Variants in HADH observed in about 807,000 individuals in gnomAD.
HADH encodes hydroxyacyl-coenzyme A dehydrogenase, mitochondrial.
A neutral mutation model predicts 32.2 loss-of-function variants in HADH; 24 were observed. The observed-to-expected ratio is 0.75, with a 90% CI of 0.54 to 1.05. The LOEUF (loss-of-function observed/expected upper bound fraction) is 1.05, where lower values mean the gene tolerates loss of function less well. Ranked by LOEUF, HADH falls within the 50% of genes least tolerant of loss-of-function variation. HADH has a pLI of 0.00. For synonymous variants in HADH, 139 were observed against 152.5 expected, an observed-to-expected ratio of 0.91 and a Z score of 0.65; for missense variants, 350 against 397.1, an observed-to-expected ratio of 0.88 and a Z score of 1.01.
intron 5 of HADH, chr4:108,025,545 A>G (rs1736036362): frequency 6.6e-6 from 1 of 152,240 alleles, no homozygotes; most frequent in Non-Finnish European, 1.5e-5. Context: ...TTAATAAATA[A>G]TCTGAAAAAT....
chr4:108,004,768 A>C, intron 1 of HADH: 4 of 1,535,862 alleles, frequency 2.6e-6, no homozygotes, highest in Non-Finnish European at 3.5e-6. Flanking sequence ...GAAGCAGCTG[A>C]AGAACATGTG....
intron 1 of HADH, 69 bp from the exon 2 acceptor site, chr4:108,009,690 G>A: frequency 6.0e-6 from 8 of 1,331,346 alleles, no homozygotes; most frequent in Non-Finnish European, 8.7e-6. Context: ...GTTTTTTGGG[G>A]TGGGGTGTGT....
intron 1 of HADH, among the ~76,000 whole-genome samples, chr4:107,996,055 A>G (rs1047278201): frequency 6.6e-6 from 1 of 152,156 alleles, no homozygotes; most frequent in Non-Finnish European, 1.5e-5. Context: ...TTCCAGCCAC[A>G]TGTACTCTGA....
chr4:108,022,492 A>G (rs1735927759), intron 4 of HADH, among the ~76,000 whole-genome samples: 1 of 152,048 alleles, frequency 6.6e-6, no homozygotes, highest in Admixed American at 6.6e-5. Flanking sequence ...AGCCTTCCCC[A>G]GAAGGATGAG....
chr4:108,021,217 GTTA>G (rs1735875167), intron 4 of HADH, among the ~76,000 whole-genome samples: 1 of 152,140 alleles, frequency 6.6e-6, no homozygotes, highest in African/African-American at 2.4e-5. Context: ...GATTTCTTTA[GTTA>G]TTATATTGTA....
intron 1 of HADH, among the ~76,000 whole-genome samples, chr4:108,008,642 G>C (rs1200450904): frequency 6.6e-6 from 1 of 151,900 alleles, no homozygotes; most frequent in Non-Finnish European, 1.5e-5. Context: ...GTTCTTCTCT[G>C]GGCAAGTTCA....
chr4:108,023,753 G>C, intron 5 of HADH, 190 bp downstream of exon 5: 1 of 618,128 alleles, frequency 1.6e-6, no homozygotes, highest in South Asian at 1.7e-5. Context: ...GGACTCCTAA[G>C]CCATGCCTAA....
At position 108,017,555 on chromosome 4, in the gene HADH, A is replaced by C. The variant is rs1478495921; in HGVS notation, c.420-1985A>C. ...AGTGTTTCCAGGAACATGTAAGAGT[A>C]CTTTTTTTTTTTTTTTGAGACGGAG... On this transcript the variant is annotated intron_variant, in intron 3 of 7. Coordinates refer to ENST00000309522, the MANE Select transcript of HADH (RefSeq NM_005327.7). Among the ~76,000 whole-genome samples the C allele has an allele frequency of 2.0e-5, 3 of 149,508 alleles. No individual in the cohort carries two copies. The East Asian group carries it at 5.9e-4, about 29-fold the overall frequency.
chr4:107,996,666 A>C (rs1734967006), intron 1 of HADH, among the ~76,000 whole-genome samples: 1 of 152,138 alleles, frequency 6.6e-6, no homozygotes, highest in Non-Finnish European at 1.5e-5. Context: ...GGCTGAGGCG[A>C]GCAGATCACT....
At chr4:108,033,923 G>A (rs1736366528) in intron 7 of HADH, among the ~76,000 whole-genome samples, 1 of 152,250 alleles carries the variant, frequency 6.6e-6, no homozygotes, top group East Asian at 1.9e-4. Flanking sequence ...AATCCAACCA[G>A]CAAATTAATG....
chr4:108,034,595 C>CT lies in HADH; in HGVS notation c.*241dup. The CT allele has an allele frequency of 2.2e-6, 1 of 452,484 alleles. No homozygotes were observed. The highest frequency in any genetic ancestry group is 3.1e-5 in the Admixed American group (1 of 32,516). 28.0% of individuals were successfully genotyped at this position (452,484 alleles called of 1,614,324 possible). ...TCATTTCTGTGTATTTTCTAAACAG[C>CT]TTTACACCCTTGGTGCCTTGGAGCA... On this transcript the variant is annotated 3_prime_UTR_variant, in exon 8 of 8. Transcript: ENST00000309522.
chr4:108,027,659 GT>G (rs544275787), intron 5 of HADH, 28 bp from the exon 6 acceptor site: 11 of 1,438,654 alleles, frequency 7.6e-6, no homozygotes, highest in Non-Finnish European at 1.1e-5. Flanking sequence ...AAATTTACTA[GT>G]TTTTTGTTTT....
At chr4:108,013,574 A>G (rs1236598162) in intron 2 of HADH, among the ~76,000 whole-genome samples, 3 of 152,078 alleles carry the variant, frequency 2.0e-5, no homozygotes, top group Non-Finnish European at 4.4e-5. Context: ...TGCCTAGTTG[A>G]CATACTATGC....
chr4:108,018,177 T>C (rs28691823), intron 3 of HADH, among the ~76,000 whole-genome samples: 2,964 of 152,220 alleles, frequency 0.019, 98 homozygotes, highest in African/African-American at 0.066. Context: ...CTTTCTTTTC[T>C]TAACGGGAGT....
intron 5 of HADH, chr4:108,026,726 G>C (rs985350610): frequency 6.6e-6 from 1 of 152,188 alleles, no homozygotes; most frequent in Non-Finnish European, 1.5e-5. Context: ...GAAGTACCTG[G>C]TGTGTGCTAG....
At chr4:108,012,959 G>T (rs955197509) in intron 2 of HADH, among the ~76,000 whole-genome samples, 1 of 152,172 alleles carries the variant, frequency 6.6e-6, no homozygotes. Flanking sequence ...AGACGGAGGA[G>T]TCTTGCTCTG....
At chr4:108,024,694 C>T (rs529445447) in intron 5 of HADH, 8 of 152,224 alleles carry the variant, frequency 5.3e-5, no homozygotes, top group East Asian at 1.9e-4. Context: ...TACTTTCTTA[C>T]GCAGTTATGC....
intron 6 of HADH, chr4:108,032,049 A>G: frequency 3.1e-6 from 1 of 323,722 alleles, no homozygotes; most frequent in Non-Finnish European, 5.6e-6. Context: ...TACTTTAGTA[A>G]TTTATTTGCT....
chr4:108,019,774 C>A, intron 4 of HADH, 108 bp downstream of exon 4: 1 of 1,282,008 alleles, frequency 7.8e-7, no homozygotes, highest in Non-Finnish European at 1.1e-6. Context: ...TGGGTTTTAA[C>A]CTGAGGGTAG....
Sources: allele counts gnomAD v4.1 joint callset (sites outside exome capture counted in the v4.1 genomes callset), GRCh38; gene constraint gnomAD v4.1.1; transcripts MANE v1.5; gene names NCBI Gene and HGNC (gene_info 2026-07-23, HGNC 2026-07-21).